IGF1R: variants seen among roughly 807,000 people sequenced by gnomAD.
The protein encoded by IGF1R is insulin like growth factor 1 receptor, also known as insulin-like growth factor 1 receptor.
In IGF1R, 44 loss-of-function variants were observed where a neutral mutation model predicts 144.6. That is an observed-to-expected ratio of 0.30 (90% CI 0.24 to 0.39). IGF1R has a LOEUF of 0.39. IGF1R is among the 10% of genes least tolerant of loss of function. IGF1R has a pLI of 1.00. For synonymous variants in IGF1R, 795 were observed against 722.8 expected (o/e 1.10, Z -1.60); for missense variants, 1,355 against 1,833.7 (o/e 0.74, Z 4.77).
intron 2 of IGF1R, among the ~76,000 whole-genome samples, chr15:98,799,946 A>C (rs1264288106): frequency 2.6e-5 from 4 of 152,318 alleles, no homozygotes; most frequent in South Asian, 4.1e-4. Context: ...GGCAACAAGA[A>C]TGGTTTTATT....
intron 2 of IGF1R, among the ~76,000 whole-genome samples, chr15:98,824,482 T>C (rs1334578828): frequency 1.3e-5 from 2 of 152,228 alleles, no homozygotes; most frequent in Non-Finnish European, 2.9e-5. Flanking sequence ...TACTCATATG[T>C]TCAAAATACC....
intron 5 of IGF1R, among the ~76,000 whole-genome samples, chr15:98,903,857 C>T (rs969230126): frequency 7.2e-5 from 11 of 152,068 alleles, no homozygotes; most frequent in African/African-American, 2.2e-4. Context: ...ATGACTCATT[C>T]GTATGTAATT....
At position 98,958,081 on chromosome 15, in the gene IGF1R, C is replaced by T. The variant is rs369718719; in HGVS notation, c.*639C>T. 8.5e-6 allele frequency: 2 copies of T among 234,118 alleles called. No homozygotes were observed. Among genetic ancestry groups the T allele is most frequent in the South Asian group, 1.8e-4 (1 of 5,556 alleles). The allele number at this position is 234,118 out of a possible 1,614,324, so 14.5% of individuals were successfully genotyped here. Reference sequence around the variant, plus strand: ...TCGGCCCGGCGCTGATTCCTCGTGTCCGGAGGCATGGGTGAGCATGGCAGC... The same window carrying T: ...TCGGCCCGGCGCTGATTCCTCGTGTTCGGAGGCATGGGTGAGCATGGCAGC... On this transcript the variant is annotated 3_prime_UTR_variant, in exon 21 of 21. Coordinates refer to ENST00000650285, the MANE Select transcript of IGF1R (RefSeq NM_000875.5).
At chr15:98,892,419 A>G (rs1031682611) in intron 3 of IGF1R, among the ~76,000 whole-genome samples, 3 of 150,564 alleles carry the variant, frequency 2.0e-5, no homozygotes, top group Non-Finnish European at 1.5e-5. Flanking sequence ...CTGTAGTCCT[A>G]GCTACTCCGA....
chr15:98,924,472 C>G, intron 12 of IGF1R, 53 bp from the exon 13 acceptor site: 1 of 1,584,682 alleles, frequency 6.3e-7, no homozygotes, highest in South Asian at 1.1e-5. Flanking sequence ...TTGGCAGGCC[C>G]CAGATTTCTC....
chr15:98,649,809 AG>A, intron 1 of IGF1R, 134 bp downstream of exon 1: 1 of 650,876 alleles, frequency 1.5e-6, no homozygotes, highest in South Asian at 1.8e-5. Flanking sequence ...GGTGGGGCGC[AG>A]GGCGGCTCTG....
At chr15:98,654,169 C>G (rs1259185364) in intron 1 of IGF1R, among the ~76,000 whole-genome samples, 4 of 152,102 alleles carry the variant, frequency 2.6e-5, no homozygotes, top group African/African-American at 9.7e-5. Flanking sequence ...AGCCTTTACC[C>G]TATACCTTTT....
At chr15:98,803,669 C>G (rs1011526793) in intron 2 of IGF1R, among the ~76,000 whole-genome samples, 1 of 152,100 alleles carries the variant, frequency 6.6e-6, no homozygotes, top group Admixed American at 6.5e-5. Context: ...CCATGGCTGA[C>G]TAATTTTTGT....
intron 5 of IGF1R, among the ~76,000 whole-genome samples, chr15:98,902,415 C>CTTT (rs11434197): frequency 4.8e-4 from 58 of 119,818 alleles, no homozygotes; most frequent in African/African-American, 6.2e-4. Context: ...TTTTCTTGAA[C>CTTT]TTTTTTTTTT....
At chr15:98,769,722 A>G (rs1247413748) in intron 2 of IGF1R, among the ~76,000 whole-genome samples, 2 of 152,234 alleles carry the variant, frequency 1.3e-5, no homozygotes, top group African/African-American at 4.8e-5. Flanking sequence ...GTTCCGTTGT[A>G]CATTGTTGAC....
chr15:98,707,276 G>A lies in IGF1R; in HGVS notation c.95-286G>A, dbSNP rs2053888201. On this transcript the variant is annotated intron_variant, in intron 1 of 20. Coordinates refer to ENST00000650285, the MANE Select transcript of IGF1R (RefSeq NM_000875.5). This position sits in a 1 kb window ranked among gnomAD's most constrained non-coding sequence, Gnocchi z 6.7. Reference sequence around the variant, plus strand: ...TTCGCCTCTGCCTCTGTGTGCCTCTGGGCTGTAAGCTTTAGTTTGCACGGT... The same window carrying A: ...TTCGCCTCTGCCTCTGTGTGCCTCTAGGCTGTAAGCTTTAGTTTGCACGGT... Among the ~76,000 whole-genome samples the A allele has an allele frequency of 1.3e-5, 2 of 152,158 alleles. No homozygotes were observed. Among genetic ancestry groups the A allele is most frequent in the Admixed American group, 6.5e-5 (1 of 15,272 alleles).
chr15:98,730,061 T>G (rs1567098750), intron 2 of IGF1R, among the ~76,000 whole-genome samples: 2 of 152,234 alleles, frequency 1.3e-5, no homozygotes, highest in Non-Finnish European at 2.9e-5. Flanking sequence ...TGGTTCTGTT[T>G]CTAAATTCAT....
chr15:98,804,834 G>A (rs1361537544), intron 2 of IGF1R, among the ~76,000 whole-genome samples: 3 of 152,156 alleles, frequency 2.0e-5, no homozygotes, highest in African/African-American at 7.2e-5. Context: ...AGCTGGAACT[G>A]CAGGCGTGCA....
At chr15:98,867,434 C>G (rs1035610226) in intron 2 of IGF1R, among the ~76,000 whole-genome samples, 1 of 152,224 alleles carries the variant, frequency 6.6e-6, no homozygotes, top group African/African-American at 2.4e-5. Flanking sequence ...ACCCCTACCA[C>G]TTGCCAGTCT....
intron 2 of IGF1R, among the ~76,000 whole-genome samples, chr15:98,821,664 T>C (rs754664432): frequency 1.3e-5 from 2 of 152,218 alleles, no homozygotes; most frequent in Non-Finnish European, 2.9e-5. Flanking sequence ...TGTAACTCTC[T>C]TACCTTGATT....
chr15:98,938,561 G>C (rs2016245064), intron 17 of IGF1R, among the ~76,000 whole-genome samples: 1 of 152,200 alleles, frequency 6.6e-6, no homozygotes, highest in Admixed American at 6.5e-5. Context: ...TTTCCTCCAA[G>C]ACTAGTTTCA....
At chr15:98,929,127 C>T (rs759304404) in intron 13 of IGF1R, among the ~76,000 whole-genome samples, 11 of 151,836 alleles carry the variant, frequency 7.2e-5, no homozygotes, top group Non-Finnish European at 1.3e-4. Context: ...TCACAAAGAC[C>T]GCTTACCAAC....
At chr15:98,780,135 T>C (rs2055820353) in intron 2 of IGF1R, among the ~76,000 whole-genome samples, 1 of 151,466 alleles carries the variant, frequency 6.6e-6, no homozygotes, top group South Asian at 2.1e-4. Context: ...TCGCATTTAT[T>C]GAAAACTTAA....
chr15:98,728,007 GTTTTTTTTTTTT>G (rs10680958), intron 2 of IGF1R, among the ~76,000 whole-genome samples: 3 of 108,750 alleles, frequency 2.8e-5, no homozygotes, highest in Non-Finnish European at 5.3e-5. Context: ...AAGATGCATT[GTTTTTTTTTTTT>G]TTTTTTTTTT....
Sources: gnomAD v4.1 joint callset for allele counts (sites outside exome capture counted in the v4.1 genomes callset) on GRCh38, gnomAD v4.1.1 for gene constraint, Gnocchi (gnomAD v3.1) non-coding constraint, MANE v1.5 for transcripts, NCBI Gene and HGNC (gene_info 2026-07-23, HGNC 2026-07-21) for gene names.